The following FPGS variants were observed in gnomAD, a reference collection of about 807,000 sequenced individuals.
FPGS encodes the protein folylpolyglutamate synthase.
Under a neutral mutation model 66.5 loss-of-function variants are expected in FPGS, and 53 were observed. The observed-to-expected ratio is 0.80, with a 90% confidence interval of 0.64 to 1.00. The LOEUF (loss-of-function observed/expected upper bound fraction) is 1.00, where lower values mean the gene tolerates loss of function less well. FPGS is among the 50% of genes least tolerant of loss of function. The pLI is 0.00. For synonymous variants in FPGS, 348 were observed against 350.9 expected, an observed-to-expected ratio of 0.99 and a Z score of 0.09; for missense variants, 702 against 807.7, an observed-to-expected ratio of 0.87 and a Z score of 1.59.
In FPGS at chr9:127,811,480, CA is replaced by C. The variant is rs10671024; in HGVS notation, c.1354+483del. On this transcript the variant is annotated intron_variant, in intron 14 of 14. Coordinates refer to ENST00000373247, the MANE Select transcript of FPGS (RefSeq NM_004957.6). ...TCTGGGCGACAGAGCGAGACTGTCT[CA>C]AAAAAAAAAAAAATTAATTTTTGAG... 1.0e-3 allele frequency among the ~76,000 whole-genome samples: 148 copies of C among 144,044 alleles called. 1 individual carries two copies. The highest frequency in any genetic ancestry group is 8.3e-3 in the South Asian group (38 of 4,564). The allele number at this position is 144,044 out of a possible 152,430, so 94.5% of individuals were successfully genotyped here. A position where few individuals can be genotyped will look rare whatever the true frequency, so the allele number is the denominator to read the frequency against.
intron 9 of FPGS, 74 bp downstream of exon 9, chr9:127,808,385 TG>T: frequency 1.4e-6 from 2 of 1,476,826 alleles, no homozygotes; most frequent in East Asian, 2.3e-5. Flanking sequence ...CTGCATCCTC[TG>T]GGGCCTCAGT....
rs764428906 is a variant in FPGS at position 127,804,689 on chromosome 9, G to A, written c.375G>A (p.Thr125=). The change falls in exon 4 of 15, where the codon ACG becomes ACA. Residue 125 remains threonine, a synonymous_variant. Transcript: ENST00000373247. ...TCCTCCGAAGCTATGGCCTGAAGAC[G>A]GGATTCTTTAGGTACTGGCTTGTGG... is the stretch of plus-strand genomic sequence containing the variant. ...ECILRSYGLK[T]GFFSSPHLVQ... 4.3e-5 allele frequency: 69 copies of A among 1,613,878 alleles called. 1 individual carries two copies. In the Admixed American group the frequency reaches 5.5e-4, roughly 13 times the overall value.
Position 127,808,228 on chromosome 9 carries a change from C to G in FPGS, c.745-6C>G. 1.9e-6 allele frequency: 3 copies of G among 1,612,996 alleles called. No homozygotes were observed. Among genetic ancestry groups the G allele is most frequent in the South Asian group, 1.1e-5 (1 of 91,062 alleles). On this transcript the variant is annotated splice_region_variant and splice_polypyrimidine_tract_variant and intron_variant, in intron 8 of 14. Transcript: ENST00000373247. The stretch of plus-strand genomic sequence containing the variant: ...AGCCCTTTCTCTCTCCTTCTTCCCT[C>G]CACAGCAAGGTGTCCCTGCCTTCAC...
chr9:127,812,542 C>T (rs1179719903), intron 14 of FPGS, among the ~76,000 whole-genome samples: 1 of 152,106 alleles, frequency 6.6e-6, no homozygotes, highest in East Asian at 1.9e-4. Context: ...TGCTCTGTCG[C>T]CCAGGCTGGA....
chr9:127,804,819 C>CAATAAA lies in FPGS; in HGVS notation c.386+119_386+120insAATAAA. 4.5e-6 allele frequency: 4 copies of CAATAAA among 896,882 alleles called. No homozygotes were observed. The South Asian group carries it at 5.4e-5, about 12-fold the overall frequency. 55.6% of individuals were successfully genotyped at this position (896,882 alleles called of 1,614,324 possible). A position where few individuals can be genotyped will look rare whatever the true frequency, so the allele number is the denominator to read the frequency against. On this transcript the variant is annotated intron_variant, in intron 4 of 14. Coordinates refer to ENST00000373247, the MANE Select transcript of FPGS (RefSeq NM_004957.6). ...GGAGGTCAGCTGCATGTCTCTCTGC[C>CAATAAA]CAGTGTTTATTCATTCAATAAACAT...
intron 12 of FPGS, 54 bp downstream of exon 12, chr9:127,809,888 A>C: frequency 4.9e-6 from 3 of 616,834 alleles, no homozygotes; most frequent in Non-Finnish European, 4.9e-6. Flanking sequence ...GAGGGGCGGG[A>C]TCTTGGGGAA....
chr9:127,804,704 C>G lies in FPGS; in HGVS notation c.386+4C>G. 1 of 1,613,874 alleles carries G rather than the reference C, an allele frequency of 6.2e-7. No individual in the cohort carries two copies. The highest frequency in any genetic ancestry group is 8.5e-7 in the Non-Finnish European group (1 of 1,179,920). On this transcript the variant is annotated splice_donor_region_variant and intron_variant, in intron 4 of 14. Coordinates refer to ENST00000373247, the MANE Select transcript of FPGS (RefSeq NM_004957.6). ...GCCTGAAGACGGGATTCTTTAGGTA[C>G]TGGCTTGTGGGGGGATGTGGTGTCT...
Position 127,803,081 on chromosome 9 carries a change from GGCC to G in FPGS, c.138+20_138+22del. 2.9e-6 allele frequency: 4 copies of G among 1,374,646 alleles called. No homozygotes were observed. The highest frequency in any genetic ancestry group is 2.8e-6 in the Non-Finnish European group (3 of 1,070,224). 85.2% of individuals were successfully genotyped at this position (1,374,646 alleles called of 1,614,324 possible). A position where few individuals can be genotyped will look rare whatever the true frequency, so the allele number is the denominator to read the frequency against. On this transcript the variant is annotated intron_variant, in intron 1 of 14. Coordinates refer to ENST00000373247, the MANE Select transcript of FPGS (RefSeq NM_004957.6). ...GTACCAGGTATCAGGCGGGCCAGCG[GGCC>G]AGCGGGCCTGGGCGCGACGACACGT...
intron 12 of FPGS, 80 bp downstream of exon 12, chr9:127,809,914 G>GTGGGGAAGGGCGGGGGCGGGCCCA: frequency 9.6e-7 from 1 of 1,044,146 alleles, no homozygotes; most frequent in Non-Finnish European, 1.4e-6. Flanking sequence ...GGGCGGGGTC[G>GTGGGGAAGGGCGGGGGCGGGCCCA]TGGGGAAGGG....
intron 1 of FPGS, among the ~76,000 whole-genome samples, chr9:127,803,946 T>C (rs1483133449): frequency 4.6e-5 from 7 of 152,116 alleles, no homozygotes; most frequent in Admixed American, 3.9e-4. Context: ...GGGAGCAATA[T>C]AGCAATGGAC....
chr9:127,809,907 C>CG (rs1270629019), intron 12 of FPGS, 73 bp downstream of exon 12: 1 of 297,486 alleles, frequency 3.4e-6, no homozygotes, highest in Non-Finnish European at 6.1e-6. Context: ...AAGGGCGGGG[C>CG]GGGGTCGTGG....
intron 14 of FPGS, 38 bp from the exon 15 acceptor site, chr9:127,813,157 C>G: frequency 1.3e-6 from 2 of 1,526,536 alleles, no homozygotes; most frequent in Non-Finnish European, 1.8e-6. Flanking sequence ...CTTACTCCCT[C>G]TCCCCTTCGC....
chr9:127,813,061 A>G, intron 14 of FPGS, 134 bp from the exon 15 acceptor site: 3 of 1,337,220 alleles, frequency 2.2e-6, no homozygotes, highest in Non-Finnish European at 3.0e-6. Flanking sequence ...GAAGGCCACT[A>G]GCCGAGACTG....
At position 127,808,645 on chromosome 9, in the gene FPGS, T is replaced by C; in HGVS notation, c.910T>C (p.Ser304Pro). ...GGGCCTGGAGGGGGAGCACCAGCGG[T>C]CCAACGCCGCCTTGGCCTTGCAGCT... ...TLGLEGEHQR[S>P]NAALALQLAH... Residue 304 changes from serine (S) to proline (P), a missense_variant, in exon 10 of 15, where the codon TCC becomes CCC. Physicochemically the swap from Ser to Pro is moderately conservative, Grantham distance 74 (BLOSUM62 -1). Transcript: ENST00000373247. 1 of 1,608,810 alleles carries C rather than the reference T, an allele frequency of 6.2e-7. No homozygotes were observed. Among genetic ancestry groups the C allele is most frequent in the Non-Finnish European group, 8.5e-7 (1 of 1,178,276 alleles).
rs765504512 is a variant in FPGS at position 127,813,641 on chromosome 9, C to T, written c.*37C>T. The T allele has an allele frequency of 1.3e-6, 2 of 1,498,080 alleles. No homozygotes were observed. Among genetic ancestry groups the T allele is most frequent in the Admixed American group, 2.3e-5 (1 of 42,558 alleles). The allele number at this position is 1,498,080 out of a possible 1,614,324, so 92.8% of individuals were successfully genotyped here. On this transcript the variant is annotated 3_prime_UTR_variant, in exon 15 of 15. Transcript: ENST00000373247. Reference sequence around the variant, plus strand: ...GGTTGGAGGTGGGAGCTTCCCACACCTGCCTGCGTTCTCCCCATGAACTTA... The same window carrying T: ...GGTTGGAGGTGGGAGCTTCCCACACTTGCCTGCGTTCTCCCCATGAACTTA...
rs750428981 is a variant in FPGS, at chr9:127,813,332, G to A, written c.1492G>A (p.Ala498Thr). 3.9e-5 allele frequency: 63 copies of A among 1,612,646 alleles called. No homozygotes were observed. Among genetic ancestry groups the A allele is most frequent in the African/African-American group, 6.7e-5 (5 of 74,868 alleles). Residue 498 changes from alanine (A) to threonine (T), a missense_variant, in exon 15 of 15, where the codon GCA becomes ACA. Transcript: ENST00000373247. ...CCCCAGCCCAGAGCCCGGTGGGTCCGCATCCCTGCTTCTGGCGCCCCACCC... is the reference window on the plus strand; with the variant it reads ...CCCCAGCCCAGAGCCCGGTGGGTCCACATCCCTGCTTCTGGCGCCCCACCC... ...SAPSPEPGGS[A>T]SLLLAPHPPH...
intron 4 of FPGS, 157 bp from the exon 5 acceptor site, chr9:127,806,816 G>C (rs1386709619): frequency 3.2e-6 from 2 of 627,124 alleles, no homozygotes; most frequent in Non-Finnish European, 5.7e-6. Flanking sequence ...GGGAGGACTG[G>C]GGGGCTACAG....
At chr9:127,808,093 G>C in intron 8 of FPGS, 141 bp from the exon 9 acceptor site, 1 of 659,422 alleles carries the variant, frequency 1.5e-6, no homozygotes, top group East Asian at 2.7e-5. Flanking sequence ...GTGACAGAGT[G>C]AGACTTCATC....
chr9:127,809,116 C>G (rs1238844086), intron 11 of FPGS, among the ~76,000 whole-genome samples: 1 of 152,118 alleles, frequency 6.6e-6, no homozygotes, highest in Admixed American at 6.6e-5. Context: ...GGAGCCACTG[C>G]CACGGGCTGT....
Sources: allele counts gnomAD v4.1 joint callset (sites outside exome capture counted in the v4.1 genomes callset), GRCh38; gene constraint gnomAD v4.1.1; transcripts MANE v1.5; gene names NCBI Gene and HGNC (gene_info 2026-07-23, HGNC 2026-07-21).